CD302: variants seen among roughly 807,000 people sequenced by gnomAD.
CD302 encodes CD302 antigen.
Under a neutral mutation model 26.5 loss-of-function variants are expected in CD302, and 23 were observed. The observed-to-expected ratio is 0.87, with a 90% CI of 0.62 to 1.23. The LOEUF (loss-of-function observed/expected upper bound fraction) is 1.23, where lower values mean the gene tolerates loss of function less well. Among genes scored for constraint, CD302 ranks in the 50% most tolerant of loss-of-function variants. CD302 has a pLI of 0.00. For synonymous variants in CD302, 90 were observed against 99.4 expected, an observed-to-expected ratio of 0.91 and a Z score of 0.56; for missense variants, 290 against 275.5, an observed-to-expected ratio of 1.05 and a Z score of -0.37.
At chr2:159,785,481 T>C (rs1476759150) in intron 1 of CD302, among the ~76,000 whole-genome samples, 1 of 152,204 alleles carries the variant, frequency 6.6e-6, no homozygotes. Context: ...GCTATAAAAT[T>C]ACATGATACC....
At chr2:159,788,303 T>C (rs952342780) in intron 1 of CD302, among the ~76,000 whole-genome samples, 3 of 152,212 alleles carry the variant, frequency 2.0e-5, no homozygotes, top group African/African-American at 7.2e-5. Context: ...CCATTATTTT[T>C]ACTGTGCTTT....
At chr2:159,797,885 A>C (rs1682509426) in intron 1 of CD302, among the ~76,000 whole-genome samples, 1 of 152,042 alleles carries the variant, frequency 6.6e-6, no homozygotes, top group Non-Finnish European at 1.5e-5. Context: ...TGCGGTGAGG[A>C]TGTGGACTCC....
chr2:159,773,010 GTAT>G (rs1287531263), intron 5 of CD302, among the ~76,000 whole-genome samples: 1 of 151,820 alleles, frequency 6.6e-6, no homozygotes, highest in Non-Finnish European at 1.5e-5. Flanking sequence ...TTTGGTGGTG[GTAT>G]TATTAAAGAC....
chr2:159,796,474 C>T (rs183924735), intron 1 of CD302, among the ~76,000 whole-genome samples: 7 of 152,266 alleles, frequency 4.6e-5, no homozygotes, highest in Admixed American at 2.0e-4. Flanking sequence ...AGGGACTAGA[C>T]GTGGAGTTCC....
rs988949456 is a variant in CD302 at position 159,768,646 on chromosome 2, A to G, written c.*3205T>C. The stretch of plus-strand genomic sequence containing the variant: ...ATCAGACTTCATAACCAAGAATTTT[A>G]TTACAATTTCAAATCTCATTTTAAG... On this transcript the variant is annotated 3_prime_UTR_variant, in exon 6 of 6. Coordinates refer to ENST00000259053, the MANE Select transcript of CD302 (RefSeq NM_014880.5). 1.3e-4 allele frequency: 20 copies of G among 152,732 alleles called. No homozygotes were observed. The highest frequency in any genetic ancestry group is 4.6e-4 in the African/African-American group (19 of 41,580). 9.5% of individuals were successfully genotyped at this position (152,732 alleles called of 1,614,324 possible).
At chr2:159,776,311 C>T (rs1382757033) in intron 5 of CD302, among the ~76,000 whole-genome samples, 2 of 152,052 alleles carry the variant, frequency 1.3e-5, no homozygotes, top group African/African-American at 4.8e-5. Context: ...GGGTTGCTTC[C>T]ACCTTTTGGC....
chr2:159,775,882 CTTAT>C (rs908341213), intron 5 of CD302, among the ~76,000 whole-genome samples: 4 of 128,374 alleles, frequency 3.1e-5, no homozygotes, highest in South Asian at 2.9e-4. Flanking sequence ...TTATGACTGG[CTTAT>C]TTTTCTTTTT....
intron 1 of CD302, among the ~76,000 whole-genome samples, chr2:159,790,030 A>G (rs1033648923): frequency 2.6e-5 from 4 of 152,226 alleles, no homozygotes; most frequent in African/African-American, 9.6e-5. Context: ...AGCCAGATGC[A>G]AAATTCCATC....
In CD302 at chr2:159,771,846, A is replaced by G. The variant is rs1277901374; in HGVS notation, c.*5T>C. On this transcript the variant is annotated 3_prime_UTR_variant, in exon 6 of 6. Transcript: ENST00000259053. ...TTGATGTCTTAGTGCAAGATTACCA[A>G]AAACTTAGTCAAATTGAACAGGATA... 2 of 1,613,436 alleles carry G rather than the reference A, an allele frequency of 1.2e-6. No homozygotes were observed. Among genetic ancestry groups the G allele is most frequent in the Non-Finnish European group, 1.7e-6 (2 of 1,179,472 alleles).
At chr2:159,792,422 CTGTGTGTGTGTGTG>C (rs3138650) in intron 1 of CD302, among the ~76,000 whole-genome samples, 10,075 of 145,230 alleles carry the variant, frequency 0.069, 445 homozygotes, top group Middle Eastern at 0.14. Flanking sequence ...AGAACCAACT[CTGTGTGTGTGTGTG>C]TGTGTGTGTG....
chr2:159,779,967 C>G (rs1295218473), intron 4 of CD302, 38 bp downstream of exon 4: 2 of 1,583,688 alleles, frequency 1.3e-6, no homozygotes, highest in Non-Finnish European at 1.7e-6. Context: ...CTTTCTCTGC[C>G]CCTTCTAGAA....
chr2:159,783,693 T>C (rs1374276013), intron 1 of CD302, among the ~76,000 whole-genome samples: 1 of 152,172 alleles, frequency 6.6e-6, no homozygotes, highest in Non-Finnish European at 1.5e-5. Context: ...CTTCTGACTT[T>C]ACAGAGCAAA....
intron 1 of CD302, among the ~76,000 whole-genome samples, chr2:159,794,668 C>T (rs1200761492): frequency 2.0e-5 from 3 of 151,716 alleles, no homozygotes; most frequent in Non-Finnish European, 4.4e-5. Context: ...CCTGCCTCAG[C>T]CTCCTGAGTA....
intron 5 of CD302, among the ~76,000 whole-genome samples, chr2:159,772,571 C>G (rs1708185358): frequency 6.6e-6 from 1 of 152,248 alleles, no homozygotes; most frequent in Non-Finnish European, 1.5e-5. Context: ...TAAGTATGCA[C>G]AACTTTGCAG....
At position 159,778,243 on chromosome 2, in the gene CD302, A is replaced by G. The variant is rs1007089471; in HGVS notation, c.470-279T>C. 2.0e-5 allele frequency among the ~76,000 whole-genome samples: 3 copies of G among 152,310 alleles called. No homozygotes were observed. In the South Asian group the frequency reaches 6.2e-4, roughly 32 times the overall value. Reference sequence around the variant, plus strand: ...TGAGGAAAAGACAATAATGAGGTAAAGGAAAAAAGAGGATTCTGGTTGGAG... The same window carrying G: ...TGAGGAAAAGACAATAATGAGGTAAGGGAAAAAAGAGGATTCTGGTTGGAG... On this transcript the variant is annotated intron_variant, in intron 4 of 5. Transcript: ENST00000259053.
intron 5 of CD302, among the ~76,000 whole-genome samples, chr2:159,776,298 CTT>C (rs2125794868): frequency 6.6e-6 from 1 of 152,202 alleles, no homozygotes; most frequent in African/African-American, 2.4e-5. Context: ...TCAGTGGACA[CTT>C]GGGTTGCTTC....
Position 159,780,138 on chromosome 2 carries a change from A to C in CD302, c.336T>G (p.Phe112Leu). 6.2e-7 allele frequency: 1 copy of C among 1,614,064 alleles called. No homozygotes were observed. The highest frequency in any genetic ancestry group is 8.5e-7 in the Non-Finnish European group (1 of 1,179,994). Reference protein sequence around the residue: ...FKWFDNSNMTFDKWTDQDDDE... With the variant: ...FKWFDNSNMTLDKWTDQDDDE... The stretch of plus-strand genomic sequence containing the variant: ...CATCATCTTGGTCTGTCCACTTATC[A>C]AATGTCATATTTGAATTATCAAACC... Residue 112 changes from phenylalanine (F) to leucine (L), a missense_variant, in exon 4 of 6, where the codon TTT (phenylalanine) becomes TTG (leucine). Coordinates refer to ENST00000259053, the MANE Select transcript of CD302 (RefSeq NM_014880.5).
chr2:159,785,456 C>T (rs1249740947), intron 1 of CD302, among the ~76,000 whole-genome samples: 1 of 152,090 alleles, frequency 6.6e-6, no homozygotes, highest in East Asian at 1.9e-4. Context: ...CATTATGAAA[C>T]ATTAAAACAA....
intron 1 of CD302, among the ~76,000 whole-genome samples, chr2:159,790,690 A>C (rs895199725): frequency 6.6e-6 from 1 of 152,180 alleles, no homozygotes; most frequent in Non-Finnish European, 1.5e-5. Flanking sequence ...AATTTTAAAA[A>C]AGTGAAATGG....
Sources: allele counts gnomAD v4.1 joint callset (sites outside exome capture counted in the v4.1 genomes callset), GRCh38; gene constraint gnomAD v4.1.1; transcripts MANE v1.5; gene names NCBI Gene and HGNC (gene_info 2026-07-23, HGNC 2026-07-21).